TXNRD2: variants seen among roughly 807,000 people sequenced by gnomAD.
TXNRD2 encodes thioredoxin reductase 2, also known as thioredoxin reductase 2, mitochondrial.
TXNRD2 carries 67 observed loss-of-function variants against 70.8 expected under a neutral mutation model. The ratio of observed to expected loss-of-function variants is 0.95; its 90% CI spans 0.78 to 1.16. TXNRD2 has a LOEUF of 1.16. Among genes scored for constraint, TXNRD2 ranks in the 50% most tolerant of loss-of-function variants. TXNRD2 has a pLI of 0.00. For synonymous variants in TXNRD2, 301 were observed against 295.8 expected, an observed-to-expected ratio of 1.02 and a Z score of -0.18; for missense variants, 644 against 719.9, an observed-to-expected ratio of 0.89 and a Z score of 1.21.
chr22:19,928,127 C>A (rs1941221021), intron 2 of TXNRD2, among the ~76,000 whole-genome samples: 1 of 145,424 alleles, frequency 6.9e-6, no homozygotes, highest in Non-Finnish European at 1.5e-5. Context: ...AAAAAAAAAA[C>A]TTGAGTAAAA....
intron 12 of TXNRD2, among the ~76,000 whole-genome samples, chr22:19,882,114 G>A (rs944648241): frequency 6.6e-6 from 1 of 152,168 alleles, no homozygotes; most frequent in African/African-American, 2.4e-5. Context: ...ATGACGATGA[G>A]GCAGAGAGAG....
At chr22:19,936,965 G>A (rs1012215707) in intron 1 of TXNRD2, among the ~76,000 whole-genome samples, 10 of 152,236 alleles carry the variant, frequency 6.6e-5, no homozygotes, top group Middle Eastern at 3.4e-3. Context: ...GATATACGCC[G>A]CTCAATCTTA....
chr22:19,910,600 G>A (rs1940361627), intron 8 of TXNRD2, among the ~76,000 whole-genome samples: 1 of 152,206 alleles, frequency 6.6e-6, no homozygotes, highest in African/African-American at 2.4e-5. Context: ...CTGCAGAGGG[G>A]CACAAGTCAC....
At chr22:19,882,698 G>A (rs1250820293) in intron 12 of TXNRD2, among the ~76,000 whole-genome samples, 1 of 152,200 alleles carries the variant, frequency 6.6e-6, no homozygotes, top group Non-Finnish European at 1.5e-5. Context: ...AGGACAGGCC[G>A]AGCACTCCTG....
chr22:19,906,664 GAA>G (rs972857058), intron 8 of TXNRD2, among the ~76,000 whole-genome samples: 1 of 152,088 alleles, frequency 6.6e-6, no homozygotes, highest in African/African-American at 2.4e-5. Flanking sequence ...GGCATAACAG[GAA>G]AAAGTGATTG....
At chr22:19,892,738 G>C (rs529819921) in intron 11 of TXNRD2, among the ~76,000 whole-genome samples, 2 of 152,166 alleles carry the variant, frequency 1.3e-5, no homozygotes, top group Admixed American at 1.3e-4. Flanking sequence ...GCTAGGGCGC[G>C]GTGGGAGGGA....
At chr22:19,898,811 C>T (rs1394193318) in intron 9 of TXNRD2, among the ~76,000 whole-genome samples, 1 of 152,176 alleles carries the variant, frequency 6.6e-6, no homozygotes, top group Non-Finnish European at 1.5e-5. Flanking sequence ...GGGAGGACAG[C>T]CCAGCTGCCT....
chr22:19,895,297 G>C, intron 11 of TXNRD2, 110 bp downstream of exon 11: 1 of 1,596,280 alleles, frequency 6.3e-7, no homozygotes, highest in Non-Finnish European at 8.5e-7. Flanking sequence ...CAACCCGCCT[G>C]GCAGCCAGCA....
chr22:19,931,888 C>T (rs1269123141), intron 1 of TXNRD2, among the ~76,000 whole-genome samples: 2 of 151,992 alleles, frequency 1.3e-5, no homozygotes, highest in Non-Finnish European at 2.9e-5. Flanking sequence ...AGGCTAGGGG[C>T]GGTAGCTCAC....
intron 12 of TXNRD2, chr22:19,881,197 G>A (rs1289475513): frequency 2.2e-5 from 9 of 405,930 alleles, no homozygotes; most frequent in East Asian, 3.5e-5. Context: ...TCAGAATGTC[G>A]CTGTGCTGGA....
chr22:19,921,504 C>T (rs145390116), intron 2 of TXNRD2, among the ~76,000 whole-genome samples: 1 of 152,078 alleles, frequency 6.6e-6, no homozygotes, highest in Non-Finnish European at 1.5e-5. Context: ...TACCCTCCCC[C>T]TGAAGCAACC....
chr22:19,877,938 C>G (rs900877765), intron 16 of TXNRD2, 152 bp downstream of exon 16: 2 of 726,334 alleles, frequency 2.8e-6, no homozygotes, highest in East Asian at 2.8e-5. Context: ...AAAACCCGCC[C>G]TGTCTGAGGG....
intron 8 of TXNRD2, among the ~76,000 whole-genome samples, chr22:19,903,154 CCT>C (rs2145991003): frequency 6.6e-6 from 1 of 152,344 alleles, no homozygotes; most frequent in South Asian, 2.1e-4. Context: ...CTGGTCAGCC[CCT>C]GAGCCAGCCT....
At chr22:19,925,013 G>A (rs891056937) in intron 2 of TXNRD2, among the ~76,000 whole-genome samples, 27 of 151,222 alleles carry the variant, frequency 1.8e-4, no homozygotes, top group Non-Finnish European at 2.4e-4. Flanking sequence ...GGCCAGGCAT[G>A]GTGGCTCACG....
intron 1 of TXNRD2, among the ~76,000 whole-genome samples, chr22:19,935,428 A>G (rs1320922934): frequency 2.0e-5 from 3 of 152,188 alleles, no homozygotes; most frequent in Non-Finnish European, 4.4e-5. Flanking sequence ...TATCAAGACA[A>G]TATGTGCACA....
At chr22:19,914,051 A>G (rs1169683323) in intron 7 of TXNRD2, among the ~76,000 whole-genome samples, 1 of 152,272 alleles carries the variant, frequency 6.6e-6, no homozygotes, top group Non-Finnish European at 1.5e-5. Context: ...AAGTTATCGC[A>G]TTAAATTATT....
At position 19,875,773 on chromosome 22, in the gene TXNRD2, G is replaced by A. The variant is rs1175120028; in HGVS notation, c.*100C>T. ...ACCATCTCACAGGCGCTCCAGGAGA[G>A]GGTTGAGGCCCCCCAAACCTGGCCT... On this transcript the variant is annotated 3_prime_UTR_variant, in exon 18 of 18. Transcript: ENST00000400521. 1.3e-5 allele frequency: 2 copies of A among 152,426 alleles called. No homozygotes were observed. The highest frequency in any genetic ancestry group is 4.8e-5 in the African/African-American group (2 of 41,432). The allele number at this position is 152,426 out of a possible 1,614,324, so 9.4% of individuals were successfully genotyped here.
Position 19,931,029 on chromosome 22 carries a change from C to T in TXNRD2, c.172+1G>A, listed in dbSNP as rs1355018197. On this transcript the variant is annotated splice_donor_variant, in intron 2 of 17. Transcript: ENST00000400521. LOFTEE classifies it high-confidence loss of function. ...TGCCACGAAGTATACAGAATACATA[C>T]CCTCCTTGGCACAAGCCAGGCCACC... 6.2e-7 allele frequency: 1 copy of T among 1,613,514 alleles called. No individual in the cohort carries two copies. Among genetic ancestry groups the T allele is most frequent in the African/African-American group, 1.3e-5 (1 of 74,928 alleles).
intron 2 of TXNRD2, 117 bp from the exon 3 acceptor site, chr22:19,919,716 CT>C: frequency 3.0e-6 from 3 of 1,005,448 alleles, no homozygotes; most frequent in Non-Finnish European, 4.5e-6. Flanking sequence ...GGGCCTGCGG[CT>C]GCCCACACAG....
Sources: gnomAD v4.1 joint callset for allele counts (sites outside exome capture counted in the v4.1 genomes callset) on GRCh38, gnomAD v4.1.1 for gene constraint, MANE v1.5 for transcripts, NCBI Gene and HGNC (gene_info 2026-07-23, HGNC 2026-07-21) for gene names.